Variants in CSMD1 observed in about 807,000 individuals in gnomAD.
CSMD1 encodes the protein CUB and Sushi multiple domains 1.
Under a neutral mutation model 417.5 loss-of-function variants are expected in CSMD1, and 213 were observed. The observed-to-expected ratio is 0.51, with a 90% CI of 0.46 to 0.57. The LOEUF (loss-of-function observed/expected upper bound fraction) is 0.57, where lower values mean the gene tolerates loss of function less well. CSMD1 is among the 20% of genes least tolerant of loss of function. The probability of loss-of-function intolerance (pLI) is 0.00; values close to 1 mark genes in which losing one functional copy is unlikely to be tolerated. For synonymous variants in CSMD1, 2,862 were observed against 1,736.8 expected, an observed-to-expected ratio of 1.65 and a Z score of -16.11; for missense variants, 6,923 against 4,529.7, an observed-to-expected ratio of 1.53 and a Z score of -15.17.
chr8:4,408,246 C>T (rs916157517), intron 3 of CSMD1, among the ~76,000 whole-genome samples: 2 of 152,150 alleles, frequency 1.3e-5, no homozygotes, highest in Non-Finnish European at 2.9e-5. Context: ...TGGTGTTTCT[C>T]TCTCCTCAGA....
intron 1 of CSMD1, among the ~76,000 whole-genome samples, chr8:4,700,327 T>C (rs1411772438): frequency 6.6e-6 from 1 of 151,940 alleles, no homozygotes; most frequent in Non-Finnish European, 1.5e-5. Flanking sequence ...TATTTTATCA[T>C]TAATCTATTA....
At chr8:4,294,777 T>C (rs1168627470) in intron 3 of CSMD1, among the ~76,000 whole-genome samples, 2 of 152,076 alleles carry the variant, frequency 1.3e-5, no homozygotes, top group Admixed American at 6.6e-5. Flanking sequence ...GTAATAATCA[T>C]GGGTAAAATA....
chr8:3,882,070 T>C (rs1357486), intron 5 of CSMD1, among the ~76,000 whole-genome samples: 37,714 of 151,926 alleles, frequency 0.25, 5,866 homozygotes, highest in African/African-American at 0.44. Context: ...ATATCAATAG[T>C]CTAAACATAT....
chr8:4,489,865 G>T (rs1051105133), intron 2 of CSMD1, among the ~76,000 whole-genome samples: 1 of 152,124 alleles, frequency 6.6e-6, no homozygotes, highest in Non-Finnish European at 1.5e-5. Context: ...AGGGTGCCCA[G>T]CCATGCCTTG....
intron 2 of CSMD1, among the ~76,000 whole-genome samples, chr8:4,634,804 C>G (rs555226419): frequency 6.6e-6 from 1 of 152,240 alleles, no homozygotes; most frequent in Admixed American, 6.5e-5. Context: ...AACACCTCCT[C>G]ATGTGTTTTC....
chr8:4,397,320 C>T (rs1221595919), intron 3 of CSMD1, among the ~76,000 whole-genome samples: 1 of 152,036 alleles, frequency 6.6e-6, no homozygotes, highest in African/African-American at 2.4e-5. Context: ...AATGTATAAG[C>T]ATATTCAACT....
chr8:3,835,421 A>G (rs1802625398), intron 5 of CSMD1, among the ~76,000 whole-genome samples: 1 of 152,016 alleles, frequency 6.6e-6, no homozygotes, highest in South Asian at 2.1e-4. Context: ...CTTTGTAGGG[A>G]CATGGATGAA....
chr8:3,683,369 GT>G (rs1470131233), intron 7 of CSMD1, among the ~76,000 whole-genome samples: 1 of 152,038 alleles, frequency 6.6e-6, no homozygotes, highest in Non-Finnish European at 1.5e-5. Flanking sequence ...CGAGTGAGCT[GT>G]TTATTCTGGG....
chr8:4,028,969 G>C (rs887239216), intron 4 of CSMD1, among the ~76,000 whole-genome samples: 1 of 152,176 alleles, frequency 6.6e-6, no homozygotes, highest in Admixed American at 6.5e-5. Context: ...TAGCAGTGTT[G>C]CAGGTAAAGG....
chr8:3,845,131 T>A (rs78547078), intron 5 of CSMD1, among the ~76,000 whole-genome samples: 1 of 152,260 alleles, frequency 6.6e-6, no homozygotes, highest in South Asian at 2.1e-4. Context: ...GGCAAATCTG[T>A]AGACATTGAA....
Position 3,018,607 on chromosome 8 carries a change from C to G in CSMD1, c.7899G>C (p.Lys2633Asn). 2 of 1,613,340 alleles carry G rather than the reference C, an allele frequency of 1.2e-6. No homozygotes were observed. The highest frequency in any genetic ancestry group is 1.7e-6 in the Non-Finnish European group (2 of 1,179,682). ...GSLSFPPNGN[K>N]IGTLTVYGAT... ...CCCCATAAACTGTCAACGTTCCAAT[C>G]TTGTTGCCATTTGGGGGAAAGGAAA... The change falls in exon 52 of 70, where the codon AAG becomes AAC. Residue 2633 changes from lysine to asparagine, a missense_variant. Coordinates refer to ENST00000635120, the MANE Select transcript of CSMD1 (RefSeq NM_033225.6).
chr8:4,264,281 C>G (rs1342427025), intron 3 of CSMD1, among the ~76,000 whole-genome samples: 1 of 152,130 alleles, frequency 6.6e-6, no homozygotes, highest in Non-Finnish European at 1.5e-5. Flanking sequence ...GCTATAGTAA[C>G]ACATTATTGT....
intron 11 of CSMD1, among the ~76,000 whole-genome samples, chr8:3,481,430 G>T (rs1157748127): frequency 3.9e-5 from 6 of 152,080 alleles, no homozygotes; most frequent in African/African-American, 1.4e-4. Flanking sequence ...AGGGGTAAAG[G>T]GCCCTAAATG....
chr8:4,741,874 C>T (rs976122326), intron 1 of CSMD1, among the ~76,000 whole-genome samples: 1 of 151,922 alleles, frequency 6.6e-6, no homozygotes. Flanking sequence ...CACTCTGTCA[C>T]CCAGGCTGGA....
intron 1 of CSMD1, among the ~76,000 whole-genome samples, chr8:4,946,748 G>T (rs114429858): frequency 1.2e-4 from 18 of 152,108 alleles, no homozygotes; most frequent in Admixed American, 1.0e-3. Flanking sequence ...AGCATCAGTA[G>T]GTTCAGTTAT....
At chr8:3,394,015 TATATATA>T (rs1811520753) in intron 17 of CSMD1, among the ~76,000 whole-genome samples, 1 of 43,964 alleles carries the variant, frequency 2.3e-5, no homozygotes, top group African/African-American at 7.3e-5. Context: ...AAATAAATTA[TATATATA>T]TATATATATA....
In CSMD1 at chr8:3,882,962, G is replaced by A. The variant is rs148180917; in HGVS notation, c.818+114941C>T. On this transcript the variant is annotated intron_variant, in intron 5 of 69. Transcript: ENST00000635120. Reference sequence around the variant, plus strand: ...TACTGAAGTTTCACAAACTCTCTGCGAAAGTTTGTTGACTCTCAATAGCTG... The same window carrying A: ...TACTGAAGTTTCACAAACTCTCTGCAAAAGTTTGTTGACTCTCAATAGCTG... Among the ~76,000 whole-genome samples, 26 of 152,180 alleles carry A rather than the reference G, an allele frequency of 1.7e-4. No individual in the cohort carries two copies. In the East Asian group the frequency reaches 4.5e-3, roughly 26 times the overall value.
intron 23 of CSMD1, among the ~76,000 whole-genome samples, chr8:3,332,447 C>A (rs942305554): frequency 6.6e-6 from 1 of 152,182 alleles, no homozygotes; most frequent in East Asian, 1.9e-4. Context: ...GAAGGCCAAC[C>A]GGAGCTGCAG....
chr8:3,935,683 G>A (rs755873224), intron 5 of CSMD1, among the ~76,000 whole-genome samples: 4 of 152,136 alleles, frequency 2.6e-5, no homozygotes, highest in Non-Finnish European at 5.9e-5. Context: ...TGTTCTGACT[G>A]CTCCACTGAC....
Sources: gnomAD v4.1 joint callset for allele counts (sites outside exome capture counted in the v4.1 genomes callset) on GRCh38, gnomAD v4.1.1 for gene constraint, MANE v1.5 for transcripts, NCBI Gene and HGNC (gene_info 2026-07-23, HGNC 2026-07-21) for gene names.